The following VTI1A variants were observed in gnomAD, a reference collection of about 807,000 sequenced individuals.
VTI1A encodes vesicle transport through interaction with t-SNAREs homolog 1A.
A neutral mutation model predicts 34.9 loss-of-function variants in VTI1A; 22 were observed. That is an observed-to-expected ratio of 0.63 (90% confidence interval 0.45 to 0.90). The LOEUF is 0.90. Ranked by LOEUF, VTI1A falls within the 40% of genes least tolerant of loss-of-function variation. The pLI, the probability that VTI1A is intolerant of heterozygous loss-of-function variation, is 0.00. For synonymous variants in VTI1A, 87 were observed against 97.3 expected (o/e 0.89, Z 0.62); for missense variants, 268 against 275.6 (o/e 0.97, Z 0.20).
At chr10:112,568,151 G>GAA (rs1472665631) in intron 5 of VTI1A, among the ~76,000 whole-genome samples, 1 of 27,978 alleles carries the variant, frequency 3.6e-5, no homozygotes, top group African/African-American at 9.9e-5. Context: ...TGATATTCTG[G>GAA]ACAGAGAAAA....
At chr10:112,688,274 T>G (rs1159422061) in intron 7 of VTI1A, among the ~76,000 whole-genome samples, 2 of 151,944 alleles carry the variant, frequency 1.3e-5, no homozygotes, top group East Asian at 3.9e-4. Context: ...CTTCTCATTT[T>G]TATTACACAA....
intron 7 of VTI1A, among the ~76,000 whole-genome samples, chr10:112,697,508 T>C (rs1402368087): frequency 6.6e-6 from 1 of 151,640 alleles, no homozygotes; most frequent in Non-Finnish European, 1.5e-5. Flanking sequence ...GCAATTCTCC[T>C]GCCTCAGCCT....
At chr10:112,737,386 C>G in intron 7 of VTI1A, 1 of 1,029,208 alleles carries the variant, frequency 9.7e-7, no homozygotes, top group Non-Finnish European at 1.2e-6. Context: ...GTGGATTATT[C>G]ATTTTGTCCC....
At chr10:112,520,802 A>T (rs1849996932) in intron 3 of VTI1A, among the ~76,000 whole-genome samples, 1 of 151,996 alleles carries the variant, frequency 6.6e-6, no homozygotes, top group South Asian at 2.1e-4. Context: ...CATTCTGAAC[A>T]TGGAAAATGT....
intron 5 of VTI1A, among the ~76,000 whole-genome samples, chr10:112,551,530 T>C (rs897951626): frequency 5.9e-5 from 9 of 152,174 alleles, no homozygotes; most frequent in African/African-American, 1.9e-4. Flanking sequence ...TCAAGCCACC[T>C]GAAAGGGAAA....
intron 3 of VTI1A, among the ~76,000 whole-genome samples, chr10:112,508,808 T>A (rs1198759659): frequency 6.6e-6 from 1 of 152,232 alleles, no homozygotes; most frequent in African/African-American, 2.4e-5. Flanking sequence ...ATACAAGTAC[T>A]TTCTCCTGTA....
intron 5 of VTI1A, among the ~76,000 whole-genome samples, chr10:112,656,034 G>A (rs1283309040): frequency 6.6e-6 from 1 of 152,216 alleles, no homozygotes; most frequent in Non-Finnish European, 1.5e-5. Flanking sequence ...GAGAGCACTA[G>A]CTGGAAGCTG....
chr10:112,524,189 A>G (rs1850133689), intron 3 of VTI1A, among the ~76,000 whole-genome samples: 1 of 152,134 alleles, frequency 6.6e-6, no homozygotes, highest in South Asian at 2.1e-4. Flanking sequence ...GTTGGGTACA[A>G]TCAGCTTACT....
At chr10:112,680,693 G>A (rs1848180967) in intron 7 of VTI1A, among the ~76,000 whole-genome samples, 1 of 152,206 alleles carries the variant, frequency 6.6e-6, no homozygotes, top group Admixed American at 6.5e-5. Context: ...GTGCTACATA[G>A]TAAGTGAGAG....
At chr10:112,460,283 G>T (rs985197078) in intron 1 of VTI1A, among the ~76,000 whole-genome samples, 11 of 152,012 alleles carry the variant, frequency 7.2e-5, no homozygotes, top group African/African-American at 2.7e-4. Context: ...CTTAAAAATA[G>T]GTCTCTCTTA....
At chr10:112,577,611 A>G (rs1843758200) in intron 5 of VTI1A, among the ~76,000 whole-genome samples, 1 of 152,238 alleles carries the variant, frequency 6.6e-6, no homozygotes, top group Admixed American at 6.5e-5. Context: ...TGCCAAGTAA[A>G]AAGTTGTGTT....
intron 3 of VTI1A, among the ~76,000 whole-genome samples, chr10:112,468,204 C>T (rs541055278): frequency 3.9e-5 from 6 of 152,166 alleles, no homozygotes; most frequent in Admixed American, 1.3e-4. Flanking sequence ...GAAAGGCCAC[C>T]GGAGGACTTT....
intron 3 of VTI1A, among the ~76,000 whole-genome samples, chr10:112,474,694 T>G (rs1477901082): frequency 6.6e-6 from 1 of 152,044 alleles, no homozygotes; most frequent in Admixed American, 6.5e-5. Context: ...TGGACTCAAG[T>G]GATCCTCCAG....
At chr10:112,747,456 T>G (rs1269703838) in intron 7 of VTI1A, among the ~76,000 whole-genome samples, 2 of 152,314 alleles carry the variant, frequency 1.3e-5, no homozygotes, top group Non-Finnish European at 2.9e-5. Context: ...CTGAATACGA[T>G]AGGCAGTTAT....
intron 7 of VTI1A, among the ~76,000 whole-genome samples, chr10:112,681,404 G>A (rs1314581621): frequency 6.6e-6 from 1 of 152,126 alleles, no homozygotes; most frequent in Non-Finnish European, 1.5e-5. Context: ...TTTTAGAACA[G>A]GAGTGAGCAA....
At chr10:112,783,072 A>G (rs919109555) in intron 7 of VTI1A, among the ~76,000 whole-genome samples, 6 of 152,138 alleles carry the variant, frequency 3.9e-5, no homozygotes, top group African/African-American at 1.4e-4. Flanking sequence ...TCACAGTTAC[A>G]TTTCCTCTCT....
At chr10:112,696,842 TA>T (rs1314447207) in intron 7 of VTI1A, among the ~76,000 whole-genome samples, 1 of 152,154 alleles carries the variant, frequency 6.6e-6, no homozygotes, top group Non-Finnish European at 1.5e-5. Context: ...AAGAAATCAT[TA>T]AGTGACACAA....
chr10:112,632,764 G>A (rs1354909795), intron 5 of VTI1A, among the ~76,000 whole-genome samples: 2 of 152,170 alleles, frequency 1.3e-5, no homozygotes, highest in African/African-American at 4.8e-5. Context: ...AATGCGACTT[G>A]TAGTATTTGA....
At chr10:112,602,809 AC>A (rs1434126103) in intron 5 of VTI1A, among the ~76,000 whole-genome samples, 1 of 152,188 alleles carries the variant, frequency 6.6e-6, no homozygotes, top group Non-Finnish European at 1.5e-5. Context: ...TTTTGTAAAC[AC>A]TTATTTGGGT....
Sources: allele counts gnomAD v4.1 joint callset (sites outside exome capture counted in the v4.1 genomes callset), GRCh38; gene constraint gnomAD v4.1.1; transcripts MANE v1.5; gene names NCBI Gene and HGNC (gene_info 2026-07-23, HGNC 2026-07-21).